EBF1: variants seen among roughly 807,000 people sequenced by gnomAD.
EBF1 encodes the protein EBF transcription factor 1.
Under a neutral mutation model 68.4 loss-of-function variants are expected in EBF1, and 10 were observed. The observed-to-expected ratio is 0.15, with a 90% CI of 0.09 to 0.25. The LOEUF (loss-of-function observed/expected upper bound fraction) is 0.25. EBF1 is among the 10% of genes least tolerant of loss of function. The probability of loss-of-function intolerance (pLI) is 1.00; values close to 1 mark genes in which losing one functional copy is unlikely to be tolerated. For synonymous variants in EBF1, 298 were observed against 299.8 expected (o/e 0.99, Z 0.06); for missense variants, 509 against 794.4 (o/e 0.64, Z 4.32).
intron 5 of EBF1, among the ~76,000 whole-genome samples, chr5:159,082,413 T>C (rs1170273524): frequency 6.6e-6 from 1 of 152,204 alleles, no homozygotes; most frequent in Non-Finnish European, 1.5e-5. Context: ...GAGCAAGCTG[T>C]CTTTCACACC....
chr5:158,696,637 TTTATTA>T lies in EBF1; in HGVS notation c.*2468_*2473del. The T allele has an allele frequency of 4.7e-6, 1 of 214,720 alleles. No individual in the cohort carries two copies. Among genetic ancestry groups the T allele is most frequent in the South Asian group, 1.9e-4 (1 of 5,342 alleles). The allele number at this position is 214,720 out of a possible 1,614,324, so 13.3% of individuals were successfully genotyped here. A position where few individuals can be genotyped will look rare whatever the true frequency, so the allele number is the denominator to read the frequency against. The stretch of plus-strand genomic sequence containing the variant: ...ACCTTGCTTACATTTTCCAGTTTTT[TTTATTA>T]TTATTAGTCATCATTATTATTTCTC... On this transcript the variant is annotated 3_prime_UTR_variant, in exon 16 of 16. Coordinates refer to ENST00000313708, the MANE Select transcript of EBF1 (RefSeq NM_024007.5).
intron 6 of EBF1, among the ~76,000 whole-genome samples, chr5:158,987,437 T>A (rs1759324402): frequency 6.6e-6 from 1 of 152,220 alleles, no homozygotes; most frequent in Admixed American, 6.5e-5. Flanking sequence ...TAAGAACACT[T>A]TTAATTTTTC....
At chr5:158,978,779 T>TAC (rs373321443) in intron 6 of EBF1, among the ~76,000 whole-genome samples, 25 of 130,172 alleles carry the variant, frequency 1.9e-4, no homozygotes, top group African/African-American at 4.7e-4. Flanking sequence ...GAATTGAAGA[T>TAC]ACACACACAC....
chr5:159,078,370 G>A (rs1779165180), intron 5 of EBF1, among the ~76,000 whole-genome samples: 1 of 152,212 alleles, frequency 6.6e-6, no homozygotes, highest in Non-Finnish European at 1.5e-5. Flanking sequence ...GCAGAAGAGG[G>A]CTCATACTGA....
At position 159,099,409 on chromosome 5, in the gene EBF1, T is replaced by C. The variant is rs1468900352; in HGVS notation, c.70A>G (p.Met24Val). 2 of 1,602,296 alleles carry C rather than the reference T, an allele frequency of 1.2e-6. No individual in the cohort carries two copies. Among genetic ancestry groups the C allele is most frequent in the Admixed American group, 3.4e-5 (2 of 58,888 alleles). Residue 24 changes from methionine (M) to valine (V), a missense_variant, in exon 1 of 16, where the codon ATG becomes GTG. Around this residue, in one of 3 missense-constraint regions of EBF1, gnomAD observed 74 missense variants for 79.4 expected, o/e 0.93. Transcript: ENST00000313708. ...SMKEEPLGSG[M>V]NAVRTWMQGA... Reference sequence around the variant, plus strand: ...TGCATCCACGTCCGCACCGCGTTCATGCCGCTGCCCAGCGGCTCTTCCTTC... The same window carrying C: ...TGCATCCACGTCCGCACCGCGTTCACGCCGCTGCCCAGCGGCTCTTCCTTC...
intron 7 of EBF1, among the ~76,000 whole-genome samples, chr5:158,824,206 C>A (rs192478582): frequency 6.6e-6 from 1 of 152,318 alleles, no homozygotes; most frequent in Admixed American, 6.5e-5. Flanking sequence ...GCTTCAGCTC[C>A]CACCTCATGC....
chr5:158,899,834 G>A (rs537050028), intron 6 of EBF1, among the ~76,000 whole-genome samples: 1 of 152,274 alleles, frequency 6.6e-6, no homozygotes, highest in South Asian at 2.1e-4. Flanking sequence ...CATGAGAAAG[G>A]TGCGGTTTTG....
intron 9 of EBF1, among the ~76,000 whole-genome samples, chr5:158,793,592 G>T (rs1271533220): frequency 2.6e-5 from 4 of 151,880 alleles, no homozygotes; most frequent in African/African-American, 9.7e-5. Context: ...ATATGGTATA[G>T]TTCAAATCCA....
chr5:159,067,237 C>A (rs1777002943), intron 6 of EBF1, among the ~76,000 whole-genome samples: 1 of 152,074 alleles, frequency 6.6e-6, no homozygotes, highest in Admixed American at 6.5e-5. Flanking sequence ...AATGATTGTG[C>A]ATAGTTACTA....
intron 6 of EBF1, among the ~76,000 whole-genome samples, chr5:158,909,175 G>A (rs1805342416): frequency 1.3e-5 from 2 of 152,102 alleles, no homozygotes; most frequent in Non-Finnish European, 2.9e-5. Context: ...TGTGAGATGT[G>A]AAATGCACGA....
intron 11 of EBF1, among the ~76,000 whole-genome samples, chr5:158,728,221 T>C (rs969765040): frequency 8.5e-5 from 13 of 152,326 alleles, no homozygotes; most frequent in Middle Eastern, 3.4e-3. Flanking sequence ...CACTCGGCTC[T>C]GAGTCACACT....
At chr5:158,836,138 G>A (rs1023409895) in intron 7 of EBF1, among the ~76,000 whole-genome samples, 2 of 152,184 alleles carry the variant, frequency 1.3e-5, no homozygotes, top group African/African-American at 2.4e-5. Context: ...AAACACCTGA[G>A]GATGACAGTG....
chr5:158,862,248 A>G (rs572676240), intron 6 of EBF1, among the ~76,000 whole-genome samples: 1 of 152,326 alleles, frequency 6.6e-6, no homozygotes, highest in Non-Finnish European at 1.5e-5. Context: ...GGTCAAGGTA[A>G]CTTCAGATTC....
intron 6 of EBF1, among the ~76,000 whole-genome samples, chr5:159,003,083 C>T (rs1330755404): frequency 6.6e-6 from 1 of 152,174 alleles, no homozygotes; most frequent in East Asian, 1.9e-4. Flanking sequence ...TCCATTTGCC[C>T]TTTTATCAAG....
At chr5:158,713,618 A>T (rs748393771) in intron 12 of EBF1, among the ~76,000 whole-genome samples, 5 of 152,194 alleles carry the variant, frequency 3.3e-5, no homozygotes, top group Non-Finnish European at 7.4e-5. Flanking sequence ...CTGAGTATTA[A>T]TGGGACTGTG....
At chr5:158,797,963 T>C (rs1779879028) in intron 8 of EBF1, among the ~76,000 whole-genome samples, 1 of 152,212 alleles carries the variant, frequency 6.6e-6, no homozygotes, top group African/African-American at 2.4e-5. Context: ...GTTCCACAAC[T>C]ATAGGGCTTT....
At chr5:158,856,109 TTC>T (rs768101176) in intron 6 of EBF1, among the ~76,000 whole-genome samples, 5 of 152,222 alleles carry the variant, frequency 3.3e-5, no homozygotes, top group East Asian at 1.9e-4. Context: ...TCCTTAATTC[TTC>T]TCTGAGTTTT....
rs554820695 is a variant in EBF1, at chr5:158,894,777, C to A, written c.555-54667G>T. Among the ~76,000 whole-genome samples the A allele has an allele frequency of 1.3e-3, 193 of 152,218 alleles. 1 individual carries two copies. The highest frequency in any genetic ancestry group is 4.5e-3 in the African/African-American group (187 of 41,538). On this transcript the variant is annotated intron_variant, in intron 6 of 15. Coordinates refer to ENST00000313708, the MANE Select transcript of EBF1 (RefSeq NM_024007.5). Reference sequence around the variant, plus strand: ...CTGTAAAATGGGACTCATGCTTGCCCTGCTGATTTCAATGGGCTTTTACAA... The same window carrying A: ...CTGTAAAATGGGACTCATGCTTGCCATGCTGATTTCAATGGGCTTTTACAA...
intron 10 of EBF1, among the ~76,000 whole-genome samples, chr5:158,742,582 A>T (rs1766652015): frequency 1.3e-5 from 2 of 152,184 alleles, no homozygotes; most frequent in Non-Finnish European, 1.5e-5. Flanking sequence ...CTCTCAAGGA[A>T]CTCCAGAGTC....
Sources: allele counts gnomAD v4.1 joint callset (sites outside exome capture counted in the v4.1 genomes callset), GRCh38; gene constraint gnomAD v4.1.1; regional missense constraint gnomAD v4.1.1; transcripts MANE v1.5; gene names NCBI Gene and HGNC (gene_info 2026-07-23, HGNC 2026-07-21).